Variants in OBI1 observed in about 807,000 individuals in gnomAD.
The protein encoded by OBI1 is ring finger protein 219.
Under a neutral mutation model 62.4 loss-of-function variants are expected in OBI1, and 59 were observed. The observed-to-expected ratio is 0.95, with a 90% CI of 0.77 to 1.17. OBI1 has a LOEUF of 1.17. OBI1 is among the 50% of genes most tolerant of loss of function. The pLI, the probability that OBI1 is intolerant of heterozygous loss-of-function variation, is 0.00. For missense variants in OBI1, 875 were observed against 830.9 expected (o/e 1.05, Z -0.65); for synonymous variants, 302 against 292.8 (o/e 1.03, Z -0.32).
At chr13:78,651,723 T>C (rs759275337) in intron 1 of OBI1, among the ~76,000 whole-genome samples, 6 of 152,202 alleles carry the variant, frequency 3.9e-5, no homozygotes, top group Non-Finnish European at 7.3e-5. Context: ...TAGGGCACTC[T>C]CTGTTCATTT....
intron 5 of OBI1, among the ~76,000 whole-genome samples, chr13:78,626,807 C>T (rs143864378): frequency 0.012 from 1,796 of 152,300 alleles, 21 homozygotes; most frequent in African/African-American, 0.034. Flanking sequence ...GTGGCTCACA[C>T]CTGTAATCCC....
intron 2 of OBI1, among the ~76,000 whole-genome samples, chr13:78,644,276 G>A (rs1050382689): frequency 4.6e-5 from 7 of 152,128 alleles, no homozygotes; most frequent in South Asian, 2.1e-4. Context: ...CTTCTTCTTA[G>A]TCCTAGAGCA....
chr13:78,648,279 A>AACACACACACACACACACACACAC (rs3064402), intron 1 of OBI1, among the ~76,000 whole-genome samples: 1 of 146,688 alleles, frequency 6.8e-6, no homozygotes, highest in African/African-American at 2.5e-5. Context: ...ACTTCCCCCA[A>AACACACACACACACACACACACAC]ACACACACAC....
chr13:78,627,913 C>G (rs1029124134), intron 5 of OBI1, among the ~76,000 whole-genome samples: 1 of 152,088 alleles, frequency 6.6e-6, no homozygotes, highest in Non-Finnish European at 1.5e-5. Context: ...TTTATTCATT[C>G]AATTATTCAA....
chr13:78,645,014 C>T lies in OBI1; in HGVS notation c.73-17G>A. The stretch of plus-strand genomic sequence containing the variant: ...CTGACGTACCTTTGAAAAAAGAAAT[C>T]ACTTTTAGTACAGGACAACGGTCAT... On this transcript the variant is annotated splice_polypyrimidine_tract_variant and intron_variant, in intron 1 of 5. Coordinates refer to ENST00000282003, the MANE Select transcript of OBI1 (RefSeq NM_024546.4). The T allele has an allele frequency of 1.2e-6, 2 of 1,603,022 alleles. No homozygotes were observed. The highest frequency in any genetic ancestry group is 1.1e-5 in the South Asian group (1 of 88,754).
chr13:78,643,480 C>T (rs1301696304), intron 2 of OBI1, among the ~76,000 whole-genome samples: 1 of 152,088 alleles, frequency 6.6e-6, no homozygotes, highest in East Asian at 1.9e-4. Flanking sequence ...ATATATATTC[C>T]TTTCTATTTC....
At chr13:78,631,346 G>T (rs916628791) in intron 5 of OBI1, among the ~76,000 whole-genome samples, 27 of 152,238 alleles carry the variant, frequency 1.8e-4, no homozygotes, top group Middle Eastern at 3.4e-3. Context: ...GAAAGTACAA[G>T]TAATAAGAAA....
At chr13:78,624,515 T>C (rs1379659243) in intron 5 of OBI1, among the ~76,000 whole-genome samples, 1 of 152,204 alleles carries the variant, frequency 6.6e-6, no homozygotes, top group South Asian at 2.1e-4. Context: ...ACTGGAGGAC[T>C]GGAGTACAGT....
intron 4 of OBI1, among the ~76,000 whole-genome samples, chr13:78,636,293 T>G (rs978331900): frequency 2.0e-5 from 3 of 152,176 alleles, no homozygotes; most frequent in African/African-American, 4.8e-5. Context: ...TACTCATTGC[T>G]TTTATGTATT....
At chr13:78,634,036 C>T (rs1875939251) in intron 5 of OBI1, among the ~76,000 whole-genome samples, 1 of 150,798 alleles carries the variant, frequency 6.6e-6, no homozygotes, top group African/African-American at 2.4e-5. Context: ...CCACTGCACT[C>T]CAGCCTGGGC....
chr13:78,642,926 T>C (rs1476509706), intron 2 of OBI1, among the ~76,000 whole-genome samples: 2 of 152,108 alleles, frequency 1.3e-5, no homozygotes, highest in Non-Finnish European at 2.9e-5. Context: ...CCTATGTATA[T>C]AGATTAATGT....
intron 5 of OBI1, among the ~76,000 whole-genome samples, chr13:78,623,223 G>A (rs1268080864): frequency 2.0e-5 from 3 of 149,072 alleles, no homozygotes; most frequent in African/African-American, 5.0e-5. Context: ...AGTCACACGC[G>A]TTGGTTCCAC....
chr13:78,650,730 C>T (rs947949310), intron 1 of OBI1, among the ~76,000 whole-genome samples: 2 of 147,988 alleles, frequency 1.4e-5, no homozygotes, highest in African/African-American at 5.1e-5. Flanking sequence ...GACACTTCTA[C>T]ATAGCAATCC....
chr13:78,621,631 A>G (rs528467479), intron 5 of OBI1, among the ~76,000 whole-genome samples: 1 of 152,376 alleles, frequency 6.6e-6, no homozygotes, highest in African/African-American at 2.4e-5. Context: ...GTTATGGAAG[A>G]AATCACTGAC....
At chr13:78,620,594 A>T (rs1049399221) in intron 5 of OBI1, 1 of 450,080 alleles carries the variant, frequency 2.2e-6, no homozygotes, top group African/African-American at 2.1e-5. Flanking sequence ...TTGCAATATT[A>T]ACTGATACAT....
chr13:78,633,602 T>C (rs1217058544), intron 5 of OBI1, among the ~76,000 whole-genome samples: 1 of 152,174 alleles, frequency 6.6e-6, no homozygotes, highest in Non-Finnish European at 1.5e-5. Context: ...GGGGGCCATA[T>C]TGTCTTCTCA....
At chr13:78,640,880 C>A (rs1177964995) in intron 3 of OBI1, among the ~76,000 whole-genome samples, 1 of 152,156 alleles carries the variant, frequency 6.6e-6, no homozygotes, top group Non-Finnish European at 1.5e-5. Flanking sequence ...AAACCATCTA[C>A]CATTTCCTTC....
At chr13:78,620,889 G>A (rs1001556675) in intron 5 of OBI1, among the ~76,000 whole-genome samples, 1 of 152,154 alleles carries the variant, frequency 6.6e-6, no homozygotes, top group Non-Finnish European at 1.5e-5. Context: ...CTAGTGCTAC[G>A]CTACTATCCT....
At chr13:78,648,867 C>A (rs960442062) in intron 1 of OBI1, among the ~76,000 whole-genome samples, 2 of 150,308 alleles carry the variant, frequency 1.3e-5, no homozygotes, top group Non-Finnish European at 2.9e-5. Context: ...GAGCTGAGAT[C>A]GCACCATTGC....
Sources: allele counts gnomAD v4.1 joint callset (sites outside exome capture counted in the v4.1 genomes callset), GRCh38; gene constraint gnomAD v4.1.1; transcripts MANE v1.5; gene names NCBI Gene and HGNC (gene_info 2026-07-23, HGNC 2026-07-21).